Variants in CDK17 observed in about 807,000 individuals in gnomAD.
The protein encoded by CDK17 is cyclin-dependent kinase 17.
In CDK17, 24 loss-of-function variants were observed where a neutral mutation model predicts 77.6. That is an observed-to-expected ratio of 0.31 (90% confidence interval 0.22 to 0.44). The LOEUF (loss-of-function observed/expected upper bound fraction) is 0.44, where lower values mean the gene tolerates loss of function less well. CDK17 is among the 20% of genes least tolerant of loss of function. The pLI is 1.00. For synonymous variants in CDK17, 203 were observed against 210.4 expected, an observed-to-expected ratio of 0.96 and a Z score of 0.30; for missense variants, 429 against 622.5, an observed-to-expected ratio of 0.69 and a Z score of 3.31.
chr12:96,294,904 C>T, intron 10 of CDK17, 95 bp downstream of exon 10: 1 of 1,089,712 alleles, frequency 9.2e-7, no homozygotes, highest in South Asian at 1.9e-5. Context: ...TCCAAACCCA[C>T]ATAAAAGCAA....
chr12:96,335,383 T>C (rs1438706704), intron 1 of CDK17, among the ~76,000 whole-genome samples: 2 of 152,192 alleles, frequency 1.3e-5, no homozygotes, highest in African/African-American at 2.4e-5. Flanking sequence ...TTGGTTTTGT[T>C]TTTACTTGTT....
At chr12:96,383,445 A>G (rs1165213203) in intron 1 of CDK17, among the ~76,000 whole-genome samples, 3 of 151,740 alleles carry the variant, frequency 2.0e-5, no homozygotes, top group Admixed American at 6.6e-5. Context: ...ACAGAACCAA[A>G]AAGCCCAAAT....
At chr12:96,306,339 G>A (rs1464967172) in intron 5 of CDK17, among the ~76,000 whole-genome samples, 2 of 151,942 alleles carry the variant, frequency 1.3e-5, no homozygotes, top group Non-Finnish European at 2.9e-5. Flanking sequence ...GGCCAAAGCG[G>A]GAGGACTGCT....
chr12:96,296,169 A>G lies in CDK17; in HGVS notation c.874-1047T>C, dbSNP rs554747090. ...AATAAAACGCTTTCCAACTTAAGCT[A>G]ATCATGTAAACCTGGCATTAAAGAA... On this transcript the variant is annotated intron_variant, in intron 9 of 16. Transcript: ENST00000261211. 2.0e-5 allele frequency among the ~76,000 whole-genome samples: 3 copies of G among 152,364 alleles called. No individual in the cohort carries two copies. The South Asian group carries it at 6.2e-4, about 32-fold the overall frequency.
intron 4 of CDK17, 122 bp from the exon 5 acceptor site, chr12:96,311,299 A>T: frequency 1.4e-6 from 1 of 735,378 alleles, no homozygotes; most frequent in South Asian, 2.6e-5. Context: ...GCAGTTGCAA[A>T]GTTACCTACA....
At chr12:96,336,351 C>T (rs560386175) in intron 1 of CDK17, among the ~76,000 whole-genome samples, 11 of 152,046 alleles carry the variant, frequency 7.2e-5, no homozygotes, top group Non-Finnish European at 1.3e-4. Flanking sequence ...GTATGCCCAG[C>T]TACTCAGGAG....
chr12:96,303,842 A>C (rs1952540281), intron 5 of CDK17, among the ~76,000 whole-genome samples: 1 of 152,194 alleles, frequency 6.6e-6, no homozygotes, highest in South Asian at 2.1e-4. Context: ...GCTTCAAAAC[A>C]AATGAAGCAC....
chr12:96,383,162 T>A (rs989945327), intron 1 of CDK17, among the ~76,000 whole-genome samples: 1 of 152,086 alleles, frequency 6.6e-6, no homozygotes, highest in Non-Finnish European at 1.5e-5. Context: ...TTATTTACAA[T>A]AGCCCCCCAA....
chr12:96,336,824 T>C (rs1398390397), intron 1 of CDK17, among the ~76,000 whole-genome samples: 1 of 152,212 alleles, frequency 6.6e-6, no homozygotes, highest in Admixed American at 6.5e-5. Context: ...GCCAGTTCTC[T>C]AGTGAAATTC....
chr12:96,292,153 A>G (rs1356153892), intron 10 of CDK17, among the ~76,000 whole-genome samples: 1 of 152,190 alleles, frequency 6.6e-6, no homozygotes, highest in Admixed American at 6.5e-5. Flanking sequence ...CTTTTTAAGG[A>G]AGGAAATGCA....
intron 5 of CDK17, among the ~76,000 whole-genome samples, chr12:96,308,653 C>T (rs748663974): frequency 7.0e-6 from 1 of 141,874 alleles, no homozygotes; most frequent in African/African-American, 2.5e-5. Context: ...CGCTTGAACC[C>T]GGGGAGGCAG....
At chr12:96,388,808 T>C (rs1012205314) in intron 1 of CDK17, among the ~76,000 whole-genome samples, 4 of 152,080 alleles carry the variant, frequency 2.6e-5, no homozygotes, top group African/African-American at 2.4e-5. Context: ...GCTTGGCAAC[T>C]GGGGAGGCCT....
At chr12:96,380,281 TG>T (rs146138378) in intron 1 of CDK17, among the ~76,000 whole-genome samples, 34,404 of 94,678 alleles carry the variant, frequency 0.36, 4,684 homozygotes, top group Non-Finnish European at 0.43. Flanking sequence ...TCTTTTTAGC[TG>T]GTTTTTTTTT....
At chr12:96,364,164 T>C (rs1238138904) in intron 1 of CDK17, among the ~76,000 whole-genome samples, 2 of 152,252 alleles carry the variant, frequency 1.3e-5, no homozygotes, top group Non-Finnish European at 2.9e-5. Flanking sequence ...ATTTGCTTGT[T>C]AACAAACATT....
At chr12:96,284,009 C>G (rs1459971960) in intron 13 of CDK17, among the ~76,000 whole-genome samples, 3 of 152,182 alleles carry the variant, frequency 2.0e-5, no homozygotes, top group Non-Finnish European at 2.9e-5. Context: ...GCATCATTTT[C>G]CTATTATATA....
intron 5 of CDK17, among the ~76,000 whole-genome samples, chr12:96,305,848 T>G (rs1261004085): frequency 6.6e-6 from 1 of 152,050 alleles, no homozygotes; most frequent in Non-Finnish European, 1.5e-5. Context: ...ACCTACTGAG[T>G]AGCTGGGACT....
chr12:96,377,986 C>T (rs1193772431), intron 1 of CDK17, among the ~76,000 whole-genome samples: 5 of 152,130 alleles, frequency 3.3e-5, no homozygotes, highest in African/African-American at 1.2e-4. Context: ...AGCCACTGCG[C>T]CCGGCCCAGA....
chr12:96,342,420 G>A (rs1298576190), intron 1 of CDK17, among the ~76,000 whole-genome samples: 1 of 152,186 alleles, frequency 6.6e-6, no homozygotes, highest in Non-Finnish European at 1.5e-5. Context: ...AAATTAGCCA[G>A]GCGTGGTGGT....
At chr12:96,390,708 CAAAAAAA>C (rs71097285) in intron 1 of CDK17, among the ~76,000 whole-genome samples, 3 of 43,534 alleles carry the variant, frequency 6.9e-5, no homozygotes, top group African/African-American at 2.1e-4. Flanking sequence ...GACTCCATCT[CAAAAAAA>C]AAAAAAAAAA....
Sources: allele counts gnomAD v4.1 joint callset (sites outside exome capture counted in the v4.1 genomes callset), GRCh38; gene constraint gnomAD v4.1.1; transcripts MANE v1.5; gene names NCBI Gene and HGNC (gene_info 2026-07-23, HGNC 2026-07-21).